Variants in KIF5A observed in about 807,000 individuals in gnomAD.
KIF5A encodes the protein kinesin family member 5A.
Under a neutral mutation model 141.3 loss-of-function variants are expected in KIF5A, and 35 were observed. The ratio of observed to expected loss-of-function variants is 0.25; its 90% confidence interval spans 0.19 to 0.33. The LOEUF (loss-of-function observed/expected upper bound fraction) is 0.33, where lower values mean the gene tolerates loss of function less well. KIF5A is among the 10% of genes least tolerant of loss of function. The probability of loss-of-function intolerance (pLI) is 1.00; values close to 1 mark genes in which losing one functional copy is unlikely to be tolerated. For missense variants in KIF5A, 861 were observed against 1,314.3 expected (o/e 0.66, Z 5.33); for synonymous variants, 448 against 500.2 (o/e 0.90, Z 1.39).
At chr12:57,582,076 A>C in intron 26 of KIF5A, 124 bp downstream of exon 26, 1 of 804,774 alleles carries the variant, frequency 1.2e-6, no homozygotes. Flanking sequence ...CAAGGCTTCA[A>C]ATAAAAAAAA....
chr12:57,564,606 C>T, intron 5 of KIF5A, 98 bp downstream of exon 5: 2 of 1,028,880 alleles, frequency 1.9e-6, no homozygotes, highest in Non-Finnish European at 3.1e-6. Flanking sequence ...ACAAGAGATG[C>T]AGAGGGCACA....
In KIF5A at chr12:57,568,947, C is replaced by T. The variant is rs780472764; in HGVS notation, c.715-16C>T. ...TGCAGCTGCTCATACACACTCATCTCTTACTGCCCTGGTAGGTCAGCAAGA... is the reference window on the plus strand; with the variant it reads ...TGCAGCTGCTCATACACACTCATCTTTTACTGCCCTGGTAGGTCAGCAAGA... On this transcript the variant is annotated splice_polypyrimidine_tract_variant and intron_variant, in intron 8 of 28. Coordinates refer to ENST00000455537, the MANE Select transcript of KIF5A (RefSeq NM_004984.4). The T allele has an allele frequency of 6.3e-7, 1 of 1,597,754 alleles. No homozygotes were observed. The highest frequency in any genetic ancestry group is 2.2e-5 in the East Asian group (1 of 44,806).
At chr12:57,554,695 G>A (rs1360416715) in intron 1 of KIF5A, among the ~76,000 whole-genome samples, 2 of 152,176 alleles carry the variant, frequency 1.3e-5, no homozygotes, top group Non-Finnish European at 2.9e-5. Flanking sequence ...CATGGCACCA[G>A]CATCTGCTCT....
At position 57,550,337 on chromosome 12, in the gene KIF5A, T is replaced by C. The variant is rs2140150161; in HGVS notation, c.66T>C (p.Ala22=). The part of the protein sequence containing the change: ...VLCRFRPLNQ[A]EILRGDKFIP... ...GCCGATTCCGGCCCCTGAACCAGGC[T>C]GAGATTCTGCGGGGAGACAAGTTCA... Residue 22 remains alanine, a synonymous_variant, in exon 1 of 29, where the codon GCT becomes GCC. Transcript: ENST00000455537. The surrounding 1 kb of genome is among the most constrained non-coding windows in gnomAD (Gnocchi z 4.6). 6.2e-7 allele frequency: 1 copy of C among 1,613,864 alleles called. No homozygotes were observed. Among genetic ancestry groups the C allele is most frequent in the South Asian group, 1.1e-5 (1 of 91,082 alleles).
At chr12:57,568,520 G>A (rs1244706278) in intron 8 of KIF5A, among the ~76,000 whole-genome samples, 2 of 152,068 alleles carry the variant, frequency 1.3e-5, no homozygotes, top group African/African-American at 4.8e-5. Context: ...GAGGTCGGGA[G>A]TTCGAGACCA....
chr12:57,581,784 A>T, intron 25 of KIF5A, 86 bp from the exon 26 acceptor site: 1 of 1,349,176 alleles, frequency 7.4e-7, no homozygotes, highest in Non-Finnish European at 1.1e-6. Context: ...GAGCAGCTCT[A>T]TCACTGAGGA....
chr12:57,577,616 A>G, intron 20 of KIF5A, 97 bp from the exon 21 acceptor site: 2 of 909,748 alleles, frequency 2.2e-6, no homozygotes, highest in Non-Finnish European at 3.6e-6. Context: ...TAACAATAAT[A>G]GTAATACTTA....
At chr12:57,552,898 C>A (rs1327266591) in intron 1 of KIF5A, among the ~76,000 whole-genome samples, 1 of 152,088 alleles carries the variant, frequency 6.6e-6, no homozygotes, top group Non-Finnish European at 1.5e-5. Context: ...AGAGTCCCTT[C>A]TGTTCGTGGG....
chr12:57,583,112 C>T lies in KIF5A; in HGVS notation c.3032C>T (p.Pro1011Leu), dbSNP rs751496558. The change falls in exon 28 of 29, where the codon CCG (proline) becomes CTG (leucine). Residue 1011 changes from proline to leucine, a missense_variant. Physicochemically the swap from Pro to Leu is moderately conservative, Grantham distance 98 (BLOSUM62 -3). Coordinates refer to ENST00000455537, the MANE Select transcript of KIF5A (RefSeq NM_004984.4). Reference protein sequence around the residue: ...TDINDNRSDLPCGYEAEDQAK... With the variant: ...TDINDNRSDLLCGYEAEDQAK... ...GTCTCTTCCTCCAGGAGTGACCTGCCGTGTGGCTATGAGGCTGAGGACCAG... is the reference window on the plus strand; with the variant it reads ...GTCTCTTCCTCCAGGAGTGACCTGCTGTGTGGCTATGAGGCTGAGGACCAG... The T allele has an allele frequency of 1.1e-5, 17 of 1,613,718 alleles. No individual in the cohort carries two copies. The highest frequency in any genetic ancestry group is 6.7e-5 in the East Asian group (3 of 44,874).
intron 1 of KIF5A, among the ~76,000 whole-genome samples, chr12:57,558,546 C>T (rs1161527284): frequency 6.6e-6 from 1 of 152,172 alleles, no homozygotes; most frequent in Admixed American, 6.5e-5. Flanking sequence ...TGGTGGCGGG[C>T]GCCTATAATC....
rs2140159692 is a variant in KIF5A at position 57,564,964 on chromosome 12, A to G, written c.492A>G (p.Pro164=). The G allele has an allele frequency of 1.2e-5, 20 of 1,614,164 alleles. No individual in the cohort carries two copies. The highest frequency in any genetic ancestry group is 1.5e-5 in the Non-Finnish European group (18 of 1,180,010). Residue 164 remains proline (P), a synonymous_variant, in exon 6 of 29, where the codon CCA becomes CCG. Coordinates refer to ENST00000455537, the MANE Select transcript of KIF5A (RefSeq NM_004984.4). ...LSVHEDKNRV[P]FVKGCTERFV... ...TGCACGAGGACAAGAACCGGGTGCC[A>G]TTTGTCAAGGTGAGAGTGGGTGTGG...
In KIF5A at chr12:57,575,217, G is replaced by A. The variant is rs751295639; in HGVS notation, c.1850G>A (p.Arg617His). 5 of 1,613,742 alleles carry A rather than the reference G, an allele frequency of 3.1e-6. No homozygotes were observed. Among genetic ancestry groups the A allele is most frequent in the Admixed American group, 3.3e-5 (2 of 59,958 alleles). ...GAGAACCTCCAGGTGGAGTGTCACC[G>A]CAAGATGGAAGTGACCGGGCGGGAG... ...QLENLQVECH[R>H]KMEVTGRELS... The change falls in exon 16 of 29, where the codon CGC becomes CAC. Residue 617 changes from arginine to histidine, a missense_variant. By Grantham distance (29) the Arg-to-His change is conservative. Transcript: ENST00000455537.
intron 7 of KIF5A, 58 bp downstream of exon 7, chr12:57,567,271 C>A: frequency 6.9e-7 from 1 of 1,442,578 alleles, no homozygotes; most frequent in Non-Finnish European, 9.7e-7. Flanking sequence ...GTTCTGTGTC[C>A]TCTGGGGTGG....
intron 19 of KIF5A, 28 bp from the exon 20 acceptor site, chr12:57,576,733 A>G (rs1188053312): frequency 1.3e-6 from 2 of 1,535,148 alleles, no homozygotes; most frequent in Non-Finnish European, 1.8e-6. Context: ...TTTCTCCCCC[A>G]TCTCCATTAC....
intron 23 of KIF5A, among the ~76,000 whole-genome samples, chr12:57,580,733 C>T (rs1158405274): frequency 6.6e-6 from 1 of 152,180 alleles, no homozygotes; most frequent in Non-Finnish European, 1.5e-5. Context: ...TTTTAAATGC[C>T]TGACCACCCA....
rs1173052609 is a variant in KIF5A at position 57,575,711 on chromosome 12, G to A, written c.1977G>A (p.Glu659=). Reference sequence around the variant, plus strand: ...AGCTAAAGAAGCGGCACCTGGAAGAGTCCTATGACTCCTTGAGCGATGAGC... The same window carrying A: ...AGCTAAAGAAGCGGCACCTGGAAGAATCCTATGACTCCTTGAGCGATGAGC... The part of the protein sequence containing the change: ...SVELKKRHLE[E]SYDSLSDELA... The change falls in exon 17 of 29, where the codon GAG becomes GAA. Residue 659 remains glutamate (E), a synonymous_variant. Coordinates refer to ENST00000455537, the MANE Select transcript of KIF5A (RefSeq NM_004984.4). 2 of 1,614,104 alleles carry A rather than the reference G, an allele frequency of 1.2e-6. No individual in the cohort carries two copies. The highest frequency in any genetic ancestry group is 2.7e-5 in the African/African-American group (2 of 74,918).
Position 57,581,493 on chromosome 12 carries a change from G to C in KIF5A, c.2834G>C (p.Ser945Thr). The change falls in exon 25 of 29, where the codon AGT (serine) becomes ACT (threonine). Residue 945 changes from serine to threonine, a missense_variant. Transcript: ENST00000455537. ...GGCACCCGGAGCCCTGAGTGCATCA[G>C]TTACACCAACAGCCTCTTCCAGAAC... ...PYGTRSPECI[S>T]YTNSLFQNYQ... 1 of 1,614,038 alleles carries C rather than the reference G, an allele frequency of 6.2e-7. No homozygotes were observed. The highest frequency in any genetic ancestry group is 8.5e-7 in the Non-Finnish European group (1 of 1,180,012).
At chr12:57,552,339 G>A (rs1004473652) in intron 1 of KIF5A, among the ~76,000 whole-genome samples, 2 of 152,178 alleles carry the variant, frequency 1.3e-5, no homozygotes, top group Non-Finnish European at 2.9e-5. Context: ...GAGACACACA[G>A]TGGGAGGTGG....
At chr12:57,556,048 C>T (rs1257360357) in intron 1 of KIF5A, among the ~76,000 whole-genome samples, 1 of 152,018 alleles carries the variant, frequency 6.6e-6, no homozygotes, top group Non-Finnish European at 1.5e-5. Context: ...AAGTAGGTAG[C>T]AGGCCTTCCC....
Sources: gnomAD v4.1 joint callset for allele counts (sites outside exome capture counted in the v4.1 genomes callset) on GRCh38, gnomAD v4.1.1 for gene constraint, Gnocchi (gnomAD v3.1) non-coding constraint, MANE v1.5 for transcripts, NCBI Gene and HGNC (gene_info 2026-07-23, HGNC 2026-07-21) for gene names.